NOL4: variants seen among roughly 807,000 people sequenced by gnomAD.
NOL4 encodes nucleolar protein 4.
In NOL4, 17 loss-of-function variants were observed where a neutral mutation model predicts 75.9. The ratio of observed to expected loss-of-function variants is 0.22; its 90% confidence interval spans 0.15 to 0.34. The LOEUF (loss-of-function observed/expected upper bound fraction) is 0.34. Among genes scored for constraint, NOL4 ranks in the 10% least tolerant of loss-of-function variants. The probability of loss-of-function intolerance (pLI) is 1.00; values close to 1 mark genes in which losing one functional copy is unlikely to be tolerated. For missense variants in NOL4, 614 were observed against 793.5 expected (o/e 0.77, Z 2.72); for synonymous variants, 292 against 289.9 (o/e 1.01, Z -0.07).
intron 6 of NOL4, among the ~76,000 whole-genome samples, chr18:33,961,009 T>G (rs2070072609): frequency 6.6e-6 from 1 of 152,096 alleles, no homozygotes; most frequent in Non-Finnish European, 1.5e-5. Flanking sequence ...TAATAATGTT[T>G]TGTATTAATG....
intron 5 of NOL4, among the ~76,000 whole-genome samples, chr18:34,082,118 A>G (rs749337184): frequency 3.3e-5 from 5 of 152,192 alleles, no homozygotes; most frequent in African/African-American, 4.8e-5. Context: ...TTTTCTGTTT[A>G]GAAAATAAGA....
At chr18:34,015,475 A>T (rs1351894938) in intron 6 of NOL4, among the ~76,000 whole-genome samples, 1 of 152,150 alleles carries the variant, frequency 6.6e-6, no homozygotes, top group Non-Finnish European at 1.5e-5. Flanking sequence ...TTTGGCTTCT[A>T]AAATATCCCC....
intron 2 of NOL4, among the ~76,000 whole-genome samples, chr18:34,111,645 G>C (rs912345466): frequency 2.6e-5 from 4 of 152,012 alleles, no homozygotes; most frequent in African/African-American, 9.7e-5. Flanking sequence ...TTTCATTATA[G>C]CAGCCCAAAC....
At position 34,184,275 on chromosome 18, in the gene NOL4, C is replaced by T. The variant is rs188534726; in HGVS notation, c.264+38715G>A. 2.3e-3 allele frequency among the ~76,000 whole-genome samples: 347 copies of T among 151,682 alleles called. 1 individual carries two copies. Among genetic ancestry groups the T allele is most frequent in the African/African-American group, 8.0e-3 (330 of 41,422 alleles). ...ATTATTTATATCATTGTTATTACTA[C>T]CATAATAACTGCATATTATGTCATG... On this transcript the variant is annotated intron_variant, in intron 1 of 10. Transcript: ENST00000261592.
At chr18:33,982,004 C>G (rs2072000001) in intron 6 of NOL4, among the ~76,000 whole-genome samples, 1 of 151,918 alleles carries the variant, frequency 6.6e-6, no homozygotes, top group South Asian at 2.1e-4. Context: ...TTGTGAATGT[C>G]TATTGCAAAC....
At chr18:33,945,739 T>TG (rs928692970) in intron 8 of NOL4, among the ~76,000 whole-genome samples, 4 of 151,808 alleles carry the variant, frequency 2.6e-5, no homozygotes, top group Non-Finnish European at 5.9e-5. Flanking sequence ...CAAAGATGCA[T>TG]GATTCAATAC....
intron 1 of NOL4, among the ~76,000 whole-genome samples, chr18:34,215,693 G>A (rs2036838712): frequency 6.6e-6 from 1 of 152,094 alleles, no homozygotes; most frequent in Non-Finnish European, 1.5e-5. Context: ...AGATATTTTG[G>A]GATATCTTGG....
chr18:34,066,243 T>C (rs1231084144), intron 5 of NOL4, among the ~76,000 whole-genome samples: 1 of 152,004 alleles, frequency 6.6e-6, no homozygotes, highest in African/African-American at 2.4e-5. Context: ...AGTTATATGG[T>C]AAAACAGTCA....
intron 1 of NOL4, among the ~76,000 whole-genome samples, chr18:34,149,422 A>T (rs1416308947): frequency 6.6e-6 from 1 of 151,568 alleles, no homozygotes; most frequent in African/African-American, 2.4e-5. Context: ...TAACTTTGTT[A>T]GGGTGCACGT....
chr18:34,187,491 C>A (rs1201736671), intron 1 of NOL4, among the ~76,000 whole-genome samples: 3 of 151,796 alleles, frequency 2.0e-5, no homozygotes, highest in Non-Finnish European at 4.4e-5. Flanking sequence ...ATTCTCCTGC[C>A]TCAGCCTCCC....
intron 5 of NOL4, among the ~76,000 whole-genome samples, chr18:34,077,065 G>A (rs2077776871): frequency 1.3e-5 from 2 of 152,256 alleles, no homozygotes; most frequent in Admixed American, 1.3e-4. Flanking sequence ...CAGCACTTTC[G>A]AAGGCTGAGG....
At chr18:33,876,206 T>C (rs2063926560) in intron 10 of NOL4, among the ~76,000 whole-genome samples, 1 of 152,076 alleles carries the variant, frequency 6.6e-6, no homozygotes, top group Non-Finnish European at 1.5e-5. Context: ...GTCTTGAACA[T>C]GATATAATCT....
At chr18:33,861,957 G>C (rs546842398) in intron 10 of NOL4, among the ~76,000 whole-genome samples, 1 of 152,042 alleles carries the variant, frequency 6.6e-6, no homozygotes, top group Non-Finnish European at 1.5e-5. Context: ...AGCCCACATC[G>C]CCAAGTCAAA....
chr18:34,056,950 G>A (rs529023649), intron 5 of NOL4, among the ~76,000 whole-genome samples: 1 of 152,162 alleles, frequency 6.6e-6, no homozygotes, highest in Non-Finnish European at 1.5e-5. Flanking sequence ...ACTTAAAGAT[G>A]ATAGTTGGTT....
chr18:33,921,656 C>A (rs944390223), intron 9 of NOL4, among the ~76,000 whole-genome samples: 2 of 152,114 alleles, frequency 1.3e-5, no homozygotes, highest in Non-Finnish European at 1.5e-5. Context: ...AAAGAAGGAT[C>A]CTCCCCTAGA....
At chr18:33,995,792 T>G (rs973444439) in intron 6 of NOL4, among the ~76,000 whole-genome samples, 1 of 152,118 alleles carries the variant, frequency 6.6e-6, no homozygotes, top group African/African-American at 2.4e-5. Context: ...GAACACATTT[T>G]GTACTATTTC....
chr18:34,075,332 C>G (rs2077697159), intron 5 of NOL4, among the ~76,000 whole-genome samples: 1 of 152,098 alleles, frequency 6.6e-6, no homozygotes, highest in South Asian at 2.1e-4. Flanking sequence ...GTACATTGAA[C>G]AATTTTATTA....
chr18:34,037,351 A>G (rs1260597856), intron 5 of NOL4, among the ~76,000 whole-genome samples: 1 of 152,176 alleles, frequency 6.6e-6, no homozygotes, highest in Non-Finnish European at 1.5e-5. Flanking sequence ...ACCCAAAGCA[A>G]TATACAAATT....
chr18:34,222,939 C>G, intron 1 of NOL4, 51 bp downstream of exon 1: 1 of 1,585,704 alleles, frequency 6.3e-7, no homozygotes, highest in Middle Eastern at 1.7e-4. Context: ...TTCCTCCCTC[C>G]CCGCCGGGCT....
Sources: allele counts gnomAD v4.1 joint callset (sites outside exome capture counted in the v4.1 genomes callset), GRCh38; gene constraint gnomAD v4.1.1; transcripts MANE v1.5; gene names NCBI Gene and HGNC (gene_info 2026-07-23, HGNC 2026-07-21).